Variants in DLGAP1 observed in about 807,000 individuals in gnomAD.
DLGAP1 encodes disks large-associated protein 1.
A neutral mutation model predicts 90.8 loss-of-function variants in DLGAP1; 11 were observed. The observed-to-expected ratio is 0.12, with a 90% confidence interval of 0.08 to 0.20. The LOEUF is 0.20. Among genes scored for constraint, DLGAP1 ranks in the 10% least tolerant of loss-of-function variants. The pLI, the probability that DLGAP1 is intolerant of heterozygous loss-of-function variation, is 1.00. For synonymous variants in DLGAP1, 558 were observed against 540.7 expected, an observed-to-expected ratio of 1.03 and a Z score of -0.44; for missense variants, 1,050 against 1,333.8, an observed-to-expected ratio of 0.79 and a Z score of 3.31.
At chr18:4,122,677 A>G in intron 2 of DLGAP1, among the ~76,000 whole-genome samples, 1 of 152,072 alleles carries the variant, frequency 6.6e-6, no homozygotes. Flanking sequence ...AGAGAGATCT[A>G]CCTCCCTGGA....
intron 1 of DLGAP1, among the ~76,000 whole-genome samples, chr18:4,283,932 T>C (rs1019529760): frequency 2.0e-5 from 3 of 151,814 alleles, no homozygotes; most frequent in Non-Finnish European, 4.4e-5. Context: ...TCAAACAGGG[T>C]TAAATAAAAG....
chr18:3,667,986 C>G (rs967428780), intron 7 of DLGAP1, among the ~76,000 whole-genome samples: 2 of 152,176 alleles, frequency 1.3e-5, no homozygotes, highest in African/African-American at 4.8e-5. Flanking sequence ...TTTCTGCAAC[C>G]AGAGAAAGTT....
At chr18:3,837,272 T>A (rs1377078713) in intron 4 of DLGAP1, among the ~76,000 whole-genome samples, 1 of 152,232 alleles carries the variant, frequency 6.6e-6, no homozygotes, top group African/African-American at 2.4e-5. Flanking sequence ...CTTTCCTTCC[T>A]CAATAATTTA....
Position 3,848,299 on chromosome 18 carries a change from T to C in DLGAP1, c.957+30813A>G, listed in dbSNP as rs118107358. Reference sequence around the variant, plus strand: ...AGAGGAGGAAGAGGAGGAGGAGCAGTAGGGAGGAGGGAGGAGAAGGACAAA... The same window carrying C: ...AGAGGAGGAAGAGGAGGAGGAGCAGCAGGGAGGAGGGAGGAGAAGGACAAA... On this transcript the variant is annotated intron_variant, in intron 4 of 12. Transcript: ENST00000315677. 9.9e-5 allele frequency among the ~76,000 whole-genome samples: 15 copies of C among 151,816 alleles called. 1 individual carries two copies. In the East Asian group the frequency reaches 2.9e-3, roughly 29 times the overall value.
chr18:3,881,937 A>T (rs757828135), intron 3 of DLGAP1, among the ~76,000 whole-genome samples: 13 of 150,624 alleles, frequency 8.6e-5, no homozygotes, highest in Non-Finnish European at 1.8e-4. Context: ...AACAAACACT[A>T]AGATGAATAA....
At chr18:4,403,113 T>C (rs528285325) in intron 1 of DLGAP1, among the ~76,000 whole-genome samples, 80 of 152,300 alleles carry the variant, frequency 5.3e-4, no homozygotes, top group African/African-American at 1.8e-3. Context: ...GTATTATTAG[T>C]TCTGATTTAG....
rs564473444 is a variant in DLGAP1, at chr18:4,112,567, C to T, written c.-159+38613G>A. On this transcript the variant is annotated intron_variant, in intron 2 of 12. Transcript: ENST00000315677. ...TTTCTCCCTTCAGTTCTGTCAATTG[C>T]TGTTGTTGTATTTTGGGGTTGCATT... 2.2e-3 allele frequency among the ~76,000 whole-genome samples: 330 copies of T among 152,154 alleles called. 1 individual carries two copies. The highest frequency in any genetic ancestry group is 7.5e-3 in the African/African-American group (313 of 41,520).
At chr18:3,921,130 A>C (rs1175178727) in intron 3 of DLGAP1, among the ~76,000 whole-genome samples, 1 of 152,226 alleles carries the variant, frequency 6.6e-6, no homozygotes, top group Non-Finnish European at 1.5e-5. Context: ...ATTCTTTTAT[A>C]AATCACAAAT....
intron 1 of DLGAP1, among the ~76,000 whole-genome samples, chr18:4,419,242 C>A (rs34676862): frequency 0.038 from 5,858 of 152,198 alleles, 145 homozygotes; most frequent in Non-Finnish European, 0.064. Flanking sequence ...ATGAGAACAG[C>A]ACGGGAAAGA....
At position 3,499,223 on chromosome 18, in the gene DLGAP1, TGCTCTCGGC is replaced by T; in HGVS notation, c.2887_2895del (p.Ala963_Ser965del). 1 of 1,598,900 alleles carries T rather than the reference TGCTCTCGGC, an allele frequency of 6.3e-7. No individual in the cohort carries two copies. The highest frequency in any genetic ancestry group is 8.5e-7 in the Non-Finnish European group (1 of 1,175,554). On this transcript the variant is annotated inframe_deletion, in exon 13 of 13. Transcript: ENST00000315677. The surrounding 1 kb of genome is among the most constrained non-coding windows in gnomAD (Gnocchi z 6.4). ...TGCGCCTCGGGGATGTAGATCTCGA[TGCTCTCGGC>T]GCTCTCGGTGGCCGAGTTCTGGCGG...
chr18:4,171,572 A>C (rs2077026722), intron 1 of DLGAP1, among the ~76,000 whole-genome samples: 1 of 151,896 alleles, frequency 6.6e-6, no homozygotes, highest in Admixed American at 6.6e-5. Flanking sequence ...CTCAAAAAAA[A>C]AAAAAGAAAA....
At chr18:4,024,232 A>T (rs1348276969) in intron 2 of DLGAP1, among the ~76,000 whole-genome samples, 1 of 152,226 alleles carries the variant, frequency 6.6e-6, no homozygotes, top group Non-Finnish European at 1.5e-5. Flanking sequence ...ATGACTTGTC[A>T]AAGACAAAGT....
At chr18:3,721,871 T>A (rs971973025) in intron 7 of DLGAP1, 7 of 152,210 alleles carry the variant, frequency 4.6e-5, no homozygotes, top group African/African-American at 1.7e-4. Context: ...TCTGTTTGAT[T>A]TAAATGATAA....
intron 5 of DLGAP1, among the ~76,000 whole-genome samples, chr18:3,765,807 C>G (rs1479851488): frequency 6.6e-6 from 1 of 151,992 alleles, no homozygotes; most frequent in Non-Finnish European, 1.5e-5. Flanking sequence ...GCACTCCAGC[C>G]TGGGCAACAA....
intron 10 of DLGAP1, among the ~76,000 whole-genome samples, chr18:3,518,636 A>C (rs75082087): frequency 0.034 from 5,182 of 152,236 alleles, 304 homozygotes; most frequent in African/African-American, 0.12. Flanking sequence ...CAATCAGCTC[A>C]CCAATTACCA....
chr18:4,264,413 A>T (rs1444426670), intron 1 of DLGAP1, among the ~76,000 whole-genome samples: 1 of 152,142 alleles, frequency 6.6e-6, no homozygotes, highest in Non-Finnish European at 1.5e-5. Context: ...ATTGTGTAAG[A>T]TTTTCTCTTA....
At chr18:4,394,545 A>C (rs2144465717) in intron 1 of DLGAP1, among the ~76,000 whole-genome samples, 1 of 152,316 alleles carries the variant, frequency 6.6e-6, no homozygotes, top group East Asian at 1.9e-4. Flanking sequence ...AAAATCCCCA[A>C]AATAGAATGC....
chr18:3,569,144 G>GGC (rs2054616297), intron 8 of DLGAP1, among the ~76,000 whole-genome samples: 1 of 151,770 alleles, frequency 6.6e-6, no homozygotes, highest in East Asian at 2.0e-4. Context: ...TGAAATTACA[G>GGC]ACGCGTGCCA....
intron 7 of DLGAP1, chr18:3,708,520 G>A (rs1298832879): frequency 2.2e-6 from 1 of 456,540 alleles, no homozygotes; most frequent in Non-Finnish European, 4.4e-6. Flanking sequence ...GACAATACAA[G>A]TGTCTCATTT....
Sources: gnomAD v4.1 joint callset for allele counts (sites outside exome capture counted in the v4.1 genomes callset) on GRCh38, gnomAD v4.1.1 for gene constraint, Gnocchi (gnomAD v3.1) non-coding constraint, MANE v1.5 for transcripts, NCBI Gene and HGNC (gene_info 2026-07-23, HGNC 2026-07-21) for gene names.